Variants in TBC1D32 observed in about 807,000 individuals in gnomAD.
TBC1D32 encodes protein broad-minded.
Under a neutral mutation model 170.3 loss-of-function variants are expected in TBC1D32, and 151 were observed. That is an observed-to-expected ratio of 0.89 (90% CI 0.78 to 1.01). TBC1D32 has a LOEUF of 1.01. TBC1D32 is among the 50% of genes least tolerant of loss of function. The pLI is 0.00. For synonymous variants in TBC1D32, 498 were observed against 488.0 expected (o/e 1.02, Z -0.27); for missense variants, 1,464 against 1,457.1 (o/e 1.00, Z -0.08).
At chr6:121,244,211 G>A (rs1435585230) in intron 17 of TBC1D32, among the ~76,000 whole-genome samples, 2 of 151,604 alleles carry the variant, frequency 1.3e-5, no homozygotes, top group Non-Finnish European at 2.9e-5. Context: ...AAATATACAA[G>A]TAAAAAAGTA....
At chr6:121,309,173 A>C (rs1180317444) in intron 4 of TBC1D32, among the ~76,000 whole-genome samples, 1 of 152,208 alleles carries the variant, frequency 6.6e-6, no homozygotes, top group Non-Finnish European at 1.5e-5. Context: ...CAAGGGAAAT[A>C]TTGAGAGATT....
intron 24 of TBC1D32, among the ~76,000 whole-genome samples, chr6:121,148,980 T>C (rs12664050): frequency 0.17 from 26,604 of 152,148 alleles, 3,046 homozygotes; most frequent in East Asian, 0.51. Context: ...CTCACTGTGG[T>C]TTTGATTTGC....
intron 21 of TBC1D32, among the ~76,000 whole-genome samples, chr6:121,213,747 C>T (rs1233682138): frequency 6.6e-6 from 1 of 151,800 alleles, no homozygotes; most frequent in Admixed American, 6.6e-5. Flanking sequence ...CAACGATATT[C>T]CTATCAAACT....
intron 10 of TBC1D32, among the ~76,000 whole-genome samples, chr6:121,298,694 T>C (rs1285291907): frequency 1.3e-5 from 2 of 152,076 alleles, no homozygotes; most frequent in Non-Finnish European, 2.9e-5. Context: ...CTCTGGATTC[T>C]CAAACACACA....
At chr6:121,254,381 TATTGAAATAAAA>T (rs953709764) in intron 17 of TBC1D32, among the ~76,000 whole-genome samples, 8 of 151,936 alleles carry the variant, frequency 5.3e-5, no homozygotes, top group African/African-American at 7.2e-5. Context: ...CCCCAAAAAC[TATTGAAATAAAA>T]ATTGAAATCA....
chr6:121,190,632 T>G (rs1400586627), intron 22 of TBC1D32, among the ~76,000 whole-genome samples: 2 of 152,154 alleles, frequency 1.3e-5, no homozygotes, highest in Admixed American at 1.3e-4. Flanking sequence ...GGACATATTT[T>G]GGATATGGTG....
chr6:121,268,098 A>T (rs895720692), intron 15 of TBC1D32, among the ~76,000 whole-genome samples: 1 of 152,112 alleles, frequency 6.6e-6, no homozygotes, highest in African/African-American at 2.4e-5. Flanking sequence ...CCAAAACCCC[A>T]TCTGTACGTC....
rs564599977 is a variant in TBC1D32, at chr6:121,109,160, T to C, written c.3325-2997A>G. On this transcript the variant is annotated intron_variant, in intron 29 of 31. Transcript: ENST00000398212. The stretch of plus-strand genomic sequence containing the variant: ...CTACAAAGGGGTAACAAGTATGTCA[T>C]GCCATTCTAATAACTGTAAAATTTA... 1.1e-4 allele frequency among the ~76,000 whole-genome samples: 16 copies of C among 152,300 alleles called. No individual in the cohort carries two copies. The South Asian group carries it at 3.3e-3, about 32-fold the overall frequency.
chr6:121,246,764 G>A (rs1439314550), intron 17 of TBC1D32, among the ~76,000 whole-genome samples: 2 of 151,430 alleles, frequency 1.3e-5, no homozygotes, highest in African/African-American at 4.8e-5. Context: ...CAACAGACTA[G>A]AACAAGCAGA....
chr6:121,235,649 G>A (rs1227185142), intron 20 of TBC1D32, among the ~76,000 whole-genome samples: 2 of 152,196 alleles, frequency 1.3e-5, no homozygotes, highest in African/African-American at 2.4e-5. Context: ...TGGTGATCAG[G>A]GCGGAGAACT....
chr6:121,224,735 T>G (rs17083302), intron 20 of TBC1D32, among the ~76,000 whole-genome samples: 3,660 of 152,196 alleles, frequency 0.024, 165 homozygotes, highest in East Asian at 0.12. Context: ...TCCCTTAGTA[T>G]GCCAAAATGC....
chr6:121,290,044 C>A (rs1371519745), intron 12 of TBC1D32, among the ~76,000 whole-genome samples: 1 of 152,096 alleles, frequency 6.6e-6, no homozygotes, highest in Non-Finnish European at 1.5e-5. Context: ...ACCATAAAAA[C>A]CCTAGAAGAA....
At chr6:121,102,987 T>C (rs962701817) in intron 30 of TBC1D32, among the ~76,000 whole-genome samples, 1 of 152,160 alleles carries the variant, frequency 6.6e-6, no homozygotes, top group African/African-American at 2.4e-5. Flanking sequence ...GAAAAACTGC[T>C]CATCATCACT....
At position 121,308,021 on chromosome 6, in the gene TBC1D32, G is replaced by A. The variant is rs9398629; in HGVS notation, c.645C>T (p.Cys215=). ...VLNCENWTTL[C]EKLTVSLSDP... ...CTGAAAGAGACACGGTCAGTTTTTC[G>A]CAGAGAGTAGTCCAATTTTCACAGT... Residue 215 remains cysteine, a synonymous_variant, in exon 5 of 32, where the codon TGC becomes TGT. Coordinates refer to ENST00000398212, the MANE Select transcript of TBC1D32 (RefSeq NM_152730.6). 437,122 of 1,611,944 alleles carry A rather than the reference G, an allele frequency of 0.27. 65,209 individuals carry two copies. Among genetic ancestry groups the A allele is most frequent in the East Asian group, 0.59 (26,361 of 44,782 alleles).
At chr6:121,170,102 A>C (rs1037302644) in intron 22 of TBC1D32, among the ~76,000 whole-genome samples, 3 of 151,978 alleles carry the variant, frequency 2.0e-5, no homozygotes, top group East Asian at 3.9e-4. Context: ...CCATTAATAA[A>C]GTTAGGTCTT....
intron 22 of TBC1D32, among the ~76,000 whole-genome samples, chr6:121,198,247 T>A (rs1199145375): frequency 1.5e-5 from 2 of 129,536 alleles, no homozygotes; most frequent in African/African-American, 5.5e-5. Context: ...ATATATATAT[T>A]ATATATATAT....
chr6:121,179,821 T>C (rs531472424), intron 22 of TBC1D32, among the ~76,000 whole-genome samples: 8 of 152,266 alleles, frequency 5.3e-5, no homozygotes, highest in African/African-American at 1.7e-4. Context: ...AGAGTTGTAG[T>C]GTATTTAGTT....
intron 12 of TBC1D32, among the ~76,000 whole-genome samples, chr6:121,289,046 C>A (rs1413184301): frequency 2.6e-5 from 4 of 152,148 alleles, no homozygotes; most frequent in African/African-American, 7.2e-5. Context: ...CAGCCAATAT[C>A]ATACTGAATG....
intron 22 of TBC1D32, among the ~76,000 whole-genome samples, chr6:121,185,352 G>T (rs1396516309): frequency 2.0e-5 from 3 of 152,034 alleles, no homozygotes; most frequent in Non-Finnish European, 2.9e-5. Context: ...ATTCACTTGT[G>T]TTATCAGGGC....
Sources: gnomAD v4.1 joint callset for allele counts (sites outside exome capture counted in the v4.1 genomes callset) on GRCh38, gnomAD v4.1.1 for gene constraint, MANE v1.5 for transcripts, NCBI Gene and HGNC (gene_info 2026-07-23, HGNC 2026-07-21) for gene names.